The following SLIT3 variants were observed in gnomAD, a reference collection of about 807,000 sequenced individuals.
The protein encoded by SLIT3 is slit homolog 3 protein.
A neutral mutation model predicts 184.0 loss-of-function variants in SLIT3; 68 were observed. That is an observed-to-expected ratio of 0.37 (90% CI 0.30 to 0.45). SLIT3 has a LOEUF of 0.45. Ranked by LOEUF, SLIT3 falls within the 20% of genes least tolerant of loss-of-function variation. The pLI is 1.00. For synonymous variants in SLIT3, 831 were observed against 828.6 expected (o/e 1.00, Z -0.05); for missense variants, 1,707 against 2,026.0 (o/e 0.84, Z 3.02).
chr5:169,283,299 G>A (rs1287251780), intron 1 of SLIT3, among the ~76,000 whole-genome samples: 1 of 152,198 alleles, frequency 6.6e-6, no homozygotes, highest in Admixed American at 6.5e-5. Context: ...TGGATTCAAT[G>A]AGCATCTTAA....
chr5:168,888,034 C>A (rs771666083), intron 4 of SLIT3, among the ~76,000 whole-genome samples: 4 of 152,098 alleles, frequency 2.6e-5, no homozygotes, highest in Non-Finnish European at 5.9e-5. Flanking sequence ...AACAAGAGAG[C>A]TGGATTCAGA....
At chr5:168,799,963 T>C (rs1756707024) in intron 9 of SLIT3, among the ~76,000 whole-genome samples, 1 of 152,188 alleles carries the variant, frequency 6.6e-6, no homozygotes. Context: ...CCTTAGGCTA[T>C]CCTGCCTCCC....
chr5:169,017,478 G>T (rs1756431005), intron 4 of SLIT3, among the ~76,000 whole-genome samples: 1 of 152,222 alleles, frequency 6.6e-6, no homozygotes, highest in South Asian at 2.1e-4. Context: ...CTCACCAAAG[G>T]AAGCTCTTAA....
At chr5:169,011,876 C>T (rs1040106150) in intron 4 of SLIT3, among the ~76,000 whole-genome samples, 8 of 151,320 alleles carry the variant, frequency 5.3e-5, no homozygotes, top group African/African-American at 1.9e-4. Flanking sequence ...TAGCACTGCC[C>T]ACTTTGATAA....
chr5:169,153,049 T>A (rs1762173201), intron 4 of SLIT3, among the ~76,000 whole-genome samples: 1 of 152,228 alleles, frequency 6.6e-6, no homozygotes, highest in African/African-American at 2.4e-5. Context: ...CCCATAGTCA[T>A]CCCTGCTCTG....
At chr5:168,929,533 G>A (rs576422927) in intron 4 of SLIT3, among the ~76,000 whole-genome samples, 1 of 152,292 alleles carries the variant, frequency 6.6e-6, no homozygotes, top group Non-Finnish European at 1.5e-5. Context: ...GGATGCTCTG[G>A]AATCAAGGCC....
At chr5:168,676,996 G>C (rs13182812) in intron 32 of SLIT3, among the ~76,000 whole-genome samples, 1 of 152,124 alleles carries the variant, frequency 6.6e-6, no homozygotes, top group Non-Finnish European at 1.5e-5. Flanking sequence ...CCACAGATCA[G>C]AGAGGGCTGT....
At chr5:168,754,069 G>A (rs376876343) in intron 16 of SLIT3, 62 bp from the exon 17 acceptor site, 1 of 1,499,080 alleles carries the variant, frequency 6.7e-7, no homozygotes, top group Non-Finnish European at 8.9e-7. Context: ...ATGCCGGGAG[G>A]GGATGACTTG....
rs1353941516 is a variant in SLIT3, at chr5:169,300,811, G to T, written c.-102C>A. On this transcript the variant is annotated 5_prime_UTR_variant, in exon 1 of 36. Transcript: ENST00000519560. The surrounding 1 kb of genome is among the most constrained non-coding windows in gnomAD (Gnocchi z 4.1). ...AGCGCGGGCGGCCTGGGGAGCGGGCGGCGGAGTTAGCGCGGAGGAGGGGCG... is the reference window on the plus strand; with the variant it reads ...AGCGCGGGCGGCCTGGGGAGCGGGCTGCGGAGTTAGCGCGGAGGAGGGGCG... 4.3e-5 allele frequency: 51 copies of T among 1,174,084 alleles called. No individual in the cohort carries two copies. The highest frequency in any genetic ancestry group is 5.3e-5 in the Non-Finnish European group (50 of 938,920). The allele number at this position is 1,174,084 out of a possible 1,614,324, so 72.7% of individuals were successfully genotyped here.
chr5:169,075,140 C>G (rs1758690449), intron 4 of SLIT3, among the ~76,000 whole-genome samples: 1 of 151,454 alleles, frequency 6.6e-6, no homozygotes, highest in African/African-American at 2.4e-5. Flanking sequence ...GATTCGTAAC[C>G]TGGGAGTGAT....
chr5:169,043,872 C>A lies in SLIT3; in HGVS notation c.413+149607G>T, dbSNP rs566874448. ...CAGTGAGAGTCATCCGAACTGGGAG[C>A]TCAAGATTGGGATGATGCAGACTCT... is the stretch of plus-strand genomic sequence containing the variant. On this transcript the variant is annotated intron_variant, in intron 4 of 35. Transcript: ENST00000519560. Among the ~76,000 whole-genome samples, 4 of 152,272 alleles carry A rather than the reference C, an allele frequency of 2.6e-5. No homozygotes were observed. In the South Asian group the frequency reaches 8.3e-4, roughly 32 times the overall value.
chr5:168,748,834 T>C (rs769091184), intron 19 of SLIT3, among the ~76,000 whole-genome samples: 20 of 152,178 alleles, frequency 1.3e-4, no homozygotes, highest in Non-Finnish European at 2.1e-4. Flanking sequence ...CAAGCCTCCA[T>C]TGTGCCTTAA....
chr5:168,785,836 G>T (rs1204695247), intron 12 of SLIT3, 71 bp downstream of exon 12: 2 of 1,121,714 alleles, frequency 1.8e-6, no homozygotes, highest in Non-Finnish European at 1.4e-6. Context: ...TCCAGAGCAT[G>T]GCTCAACGTT....
intron 4 of SLIT3, among the ~76,000 whole-genome samples, chr5:168,967,692 G>A (rs548959141): frequency 1.4e-5 from 2 of 139,530 alleles, no homozygotes; most frequent in South Asian, 4.5e-4. Context: ...CGCCCGCCTC[G>A]GCCTCCCAAA....
chr5:169,064,649 G>A (rs1270119629), intron 4 of SLIT3, among the ~76,000 whole-genome samples: 5 of 152,136 alleles, frequency 3.3e-5, no homozygotes, highest in South Asian at 2.1e-4. Context: ...ACGGCTTCCC[G>A]TGCCATAAGT....
chr5:168,966,463 A>C (rs1400644522), intron 4 of SLIT3, among the ~76,000 whole-genome samples: 2 of 152,148 alleles, frequency 1.3e-5, no homozygotes, highest in African/African-American at 4.8e-5. Flanking sequence ...CTGAAAGAGA[A>C]CTAAAGGGAT....
chr5:168,967,435 A>ATTTTT (rs556216624), intron 4 of SLIT3, among the ~76,000 whole-genome samples: 3 of 30,760 alleles, frequency 9.8e-5, no homozygotes, highest in African/African-American at 2.4e-4. Flanking sequence ...GCCATCTCAA[A>ATTTTT]TCTTTTTTTT....
At chr5:169,139,586 A>AC (rs917300599) in intron 4 of SLIT3, among the ~76,000 whole-genome samples, 15 of 151,968 alleles carry the variant, frequency 9.9e-5, no homozygotes, top group African/African-American at 2.2e-4. Context: ...GCACTAGCCC[A>AC]CCCCCCCAGG....
chr5:169,017,444 C>A (rs898596617), intron 4 of SLIT3, among the ~76,000 whole-genome samples: 4 of 152,120 alleles, frequency 2.6e-5, no homozygotes, highest in Non-Finnish European at 5.9e-5. Context: ...TAGAAAGATA[C>A]AAGACTTGGA....
Sources: gnomAD v4.1 joint callset for allele counts (sites outside exome capture counted in the v4.1 genomes callset) on GRCh38, gnomAD v4.1.1 for gene constraint, Gnocchi (gnomAD v3.1) non-coding constraint, MANE v1.5 for transcripts, NCBI Gene and HGNC (gene_info 2026-07-23, HGNC 2026-07-21) for gene names.